IQCB1: variants seen among roughly 807,000 people sequenced by gnomAD.
IQCB1 encodes IQ calmodulin-binding motif-containing protein 1.
Under a neutral mutation model 84.4 loss-of-function variants are expected in IQCB1, and 56 were observed. The observed-to-expected ratio is 0.66, with a 90% CI of 0.54 to 0.83. The LOEUF (loss-of-function observed/expected upper bound fraction) is 0.83. Ranked by LOEUF, IQCB1 falls within the 40% of genes least tolerant of loss-of-function variation. The probability of loss-of-function intolerance (pLI) is 0.00; values close to 1 mark genes in which losing one functional copy is unlikely to be tolerated. For missense variants in IQCB1, 629 were observed against 682.1 expected (o/e 0.92, Z 0.87); for synonymous variants, 210 against 234.8 (o/e 0.89, Z 0.96).
At chr3:121,807,834 C>T (rs553873482) in intron 6 of IQCB1, among the ~76,000 whole-genome samples, 1 of 151,896 alleles carries the variant, frequency 6.6e-6, no homozygotes, top group African/African-American at 2.4e-5. Context: ...ATTGGTTGCT[C>T]ACAACCTTAA....
At position 121,816,803 on chromosome 3, in the gene IQCB1, A is replaced by T. The variant is rs1340733005; in HGVS notation, c.394-7794T>A. ...GATGTGGAGAAATAGGAACGCTTTT[A>T]CACTGTTGGTGGGAATGTAAGTTCA... On this transcript the variant is annotated intron_variant, in intron 5 of 14. Transcript: ENST00000310864. Among the ~76,000 whole-genome samples, 4 of 152,356 alleles carry T rather than the reference A, an allele frequency of 2.6e-5. No individual in the cohort carries two copies. In the East Asian group the frequency reaches 7.7e-4, roughly 29 times the overall value.
At chr3:121,787,189 T>TAA (rs11385480) in intron 12 of IQCB1, among the ~76,000 whole-genome samples, 4,372 of 148,070 alleles carry the variant, frequency 0.03, 87 homozygotes, top group Middle Eastern at 0.048. Flanking sequence ...TTTGGATGAT[T>TAA]AAAAAAAAAA....
chr3:121,773,880 A>G (rs555787424), intron 13 of IQCB1, among the ~76,000 whole-genome samples: 26 of 151,692 alleles, frequency 1.7e-4, no homozygotes, highest in African/African-American at 5.8e-4. Flanking sequence ...AAGCACAGGA[A>G]AAAAAAAACA....
chr3:121,831,746 G>A lies in IQCB1; in HGVS notation c.-13+2645C>T, dbSNP rs574846603. On this transcript the variant is annotated intron_variant, in intron 2 of 14. Coordinates refer to ENST00000310864, the MANE Select transcript of IQCB1 (RefSeq NM_001023570.4). ...TTTTGTGTTGATTGTCATGATGTGA[G>A]AGCAAAAACTGTTTTTCCATTCATA... 3.9e-5 allele frequency among the ~76,000 whole-genome samples: 6 copies of A among 152,272 alleles called. No individual in the cohort carries two copies. The South Asian group carries it at 1.0e-3, about 26-fold the overall frequency.
chr3:121,805,810 C>G (rs758049078), intron 7 of IQCB1, among the ~76,000 whole-genome samples: 2 of 152,142 alleles, frequency 1.3e-5, no homozygotes, highest in Non-Finnish European at 2.9e-5. Context: ...CTACTTAATA[C>G]TTGAAGGATA....
At chr3:121,815,220 C>G (rs1950004233) in intron 5 of IQCB1, among the ~76,000 whole-genome samples, 1 of 152,124 alleles carries the variant, frequency 6.6e-6, no homozygotes, top group Non-Finnish European at 1.5e-5. Flanking sequence ...CCCATTCATG[C>G]TAAAAACTCT....
At chr3:121,786,335 T>C (rs538154748) in intron 12 of IQCB1, among the ~76,000 whole-genome samples, 91 of 151,514 alleles carry the variant, frequency 6.0e-4, no homozygotes, top group African/African-American at 2.1e-3. Context: ...TTTTCCTTCT[T>C]TGAAAGTAAT....
At position 121,770,407 on chromosome 3, in the gene IQCB1, G is replaced by A. The variant is rs769679165; in HGVS notation, c.1735C>T (p.Pro579Ser). 1.9e-6 allele frequency: 3 copies of A among 1,614,140 alleles called. No individual in the cohort carries two copies. In the South Asian group the frequency reaches 3.3e-5, roughly 18 times the overall value. Residue 579 changes from proline (P) to serine (S), a missense_variant, in exon 15 of 15, where the codon CCA (proline) becomes TCA (serine). Transcript: ENST00000310864. ...GEESGDEIDV[P>S]KDELSIELEN... ...AATTCTATACTAAGCTCATCCTTTGGAACATCAATCTCATCTCCAGATTCT... is the reference window on the plus strand; with the variant it reads ...AATTCTATACTAAGCTCATCCTTTGAAACATCAATCTCATCTCCAGATTCT...
chr3:121,823,532 G>C (rs1025555255), intron 5 of IQCB1, among the ~76,000 whole-genome samples: 39 of 152,104 alleles, frequency 2.6e-4, no homozygotes, highest in Non-Finnish European at 8.8e-5. Context: ...AACAAAAGAT[G>C]CCAGAAGACA....
At chr3:121,804,217 C>T (rs2108583489) in intron 7 of IQCB1, among the ~76,000 whole-genome samples, 1 of 152,188 alleles carries the variant, frequency 6.6e-6, no homozygotes, top group East Asian at 1.9e-4. Context: ...CATTTATCTC[C>T]TCCCAGCCTT....
At chr3:121,788,542 A>T in intron 11 of IQCB1, 110 bp from the exon 12 acceptor site, 1 of 1,080,072 alleles carries the variant, frequency 9.3e-7, no homozygotes, top group Non-Finnish European at 1.4e-6. Flanking sequence ...TTTTGTCAAT[A>T]TTGTTCACTA....
intron 7 of IQCB1, among the ~76,000 whole-genome samples, chr3:121,801,652 A>T (rs1949411948): frequency 1.3e-5 from 2 of 152,014 alleles, no homozygotes; most frequent in African/African-American, 4.8e-5. Context: ...TGTTTCACCA[A>T]CATAAAACAA....
At chr3:121,795,167 G>C (rs1213359825) in intron 10 of IQCB1, among the ~76,000 whole-genome samples, 1 of 152,006 alleles carries the variant, frequency 6.6e-6, no homozygotes, top group Non-Finnish European at 1.5e-5. Flanking sequence ...TTGGTTTAGA[G>C]GGTTTAATAA....
At chr3:121,792,637 G>C (rs1219529294) in intron 10 of IQCB1, among the ~76,000 whole-genome samples, 1 of 138,894 alleles carries the variant, frequency 7.2e-6, no homozygotes, top group East Asian at 2.1e-4. Flanking sequence ...ACTCCCGCCT[G>C]GGCCACAGAG....
chr3:121,828,255 C>T (rs1227868452), intron 4 of IQCB1, among the ~76,000 whole-genome samples: 2 of 151,986 alleles, frequency 1.3e-5, no homozygotes, highest in African/African-American at 2.4e-5. Context: ...AAATGATCAC[C>T]ATCTTCATTA....
intron 5 of IQCB1, among the ~76,000 whole-genome samples, chr3:121,820,599 G>C (rs1950236337): frequency 6.6e-6 from 1 of 152,132 alleles, no homozygotes; most frequent in Non-Finnish European, 1.5e-5. Flanking sequence ...ACTTGAAAAT[G>C]CAACTAACTT....
At chr3:121,787,586 A>G (rs1948787460) in intron 12 of IQCB1, among the ~76,000 whole-genome samples, 1 of 152,108 alleles carries the variant, frequency 6.6e-6, no homozygotes, top group Non-Finnish European at 1.5e-5. Context: ...CCCCGTCTCT[A>G]TTAAAAATAC....
In IQCB1 at chr3:121,799,205, A is replaced by T; in HGVS notation, c.757T>A (p.Cys253Ser). Reference protein sequence around the residue: ...EILILLRQSTCYKGLRRLLSK... With the variant: ...EILILLRQSTSYKGLRRLLSK... ...AGAATGAATGTACTACCTTTGTAGCAGGTACTTTGTCTCAGTAAAATCAAA... is the reference window on the plus strand; with the variant it reads ...AGAATGAATGTACTACCTTTGTAGCTGGTACTTTGTCTCAGTAAAATCAAA... Residue 253 changes from cysteine to serine, a missense_variant, in exon 8 of 15, where the codon TGC becomes AGC. Coordinates refer to ENST00000310864, the MANE Select transcript of IQCB1 (RefSeq NM_001023570.4). The T allele has an allele frequency of 6.2e-7, 1 of 1,607,080 alleles. No homozygotes were observed. The highest frequency in any genetic ancestry group is 8.5e-7 in the Non-Finnish European group (1 of 1,175,512).
At chr3:121,818,780 C>T (rs1380410419) in intron 5 of IQCB1, among the ~76,000 whole-genome samples, 2 of 152,006 alleles carry the variant, frequency 1.3e-5, no homozygotes, top group African/African-American at 2.4e-5. Context: ...CAGAAAGGCA[C>T]CTAGAATCAG....
Sources: allele counts gnomAD v4.1 joint callset (sites outside exome capture counted in the v4.1 genomes callset), GRCh38; gene constraint gnomAD v4.1.1; transcripts MANE v1.5; gene names NCBI Gene and HGNC (gene_info 2026-07-23, HGNC 2026-07-21).